Variants in SLC19A2 observed in about 807,000 individuals in gnomAD.
SLC19A2 encodes the protein thiamine transporter 1.
In SLC19A2, 27 loss-of-function variants were observed where a neutral mutation model predicts 44.7. The observed-to-expected ratio is 0.60, with a 90% CI of 0.45 to 0.83. SLC19A2 has a LOEUF of 0.83. Ranked by LOEUF, SLC19A2 falls within the 40% of genes least tolerant of loss-of-function variation. The pLI is 0.00. For missense variants in SLC19A2, 566 were observed against 613.7 expected (o/e 0.92, Z 0.82); for synonymous variants, 239 against 243.6 (o/e 0.98, Z 0.18).
Position 169,465,755 on chromosome 1 carries a change from T to G in SLC19A2, c.*94A>C. The G allele has an allele frequency of 7.2e-7, 1 of 1,395,798 alleles. No individual in the cohort carries two copies. Among genetic ancestry groups the G allele is most frequent in the Non-Finnish European group, 1.0e-6 (1 of 992,892 alleles). 86.5% of individuals were successfully genotyped at this position (1,395,798 alleles called of 1,614,324 possible). ...TGCTGTGAAGTCAAGAAATGCACAT[T>G]CATAAATATATGTCTACGCTTTAAA... On this transcript the variant is annotated 3_prime_UTR_variant, in exon 6 of 6. Coordinates refer to ENST00000236137, the MANE Select transcript of SLC19A2 (RefSeq NM_006996.3).
chr1:169,467,193 C>G (rs576519832), intron 5 of SLC19A2, among the ~76,000 whole-genome samples: 1 of 152,322 alleles, frequency 6.6e-6, no homozygotes, highest in East Asian at 1.9e-4. Flanking sequence ...TTCTCTCCTA[C>G]TTTCCATCCT....
At chr1:169,476,195 A>G (rs1444965735) in intron 2 of SLC19A2, among the ~76,000 whole-genome samples, 1 of 152,006 alleles carries the variant, frequency 6.6e-6, no homozygotes, top group Non-Finnish European at 1.5e-5. Context: ...CTTCCTGGCT[A>G]GACAGAACAG....
At chr1:169,473,370 G>C (rs1296972011) in intron 2 of SLC19A2, among the ~76,000 whole-genome samples, 2 of 151,602 alleles carry the variant, frequency 1.3e-5, no homozygotes, top group African/African-American at 2.4e-5. Flanking sequence ...AAGTAGCTGG[G>C]ATTACAGGCA....
At chr1:169,471,648 G>A (rs563023555) in intron 2 of SLC19A2, among the ~76,000 whole-genome samples, 41 of 141,264 alleles carry the variant, frequency 2.9e-4, no homozygotes, top group Admixed American at 5.0e-4. Flanking sequence ...CTGGGCGACA[G>A]AGACAGACTC....
intron 4 of SLC19A2, 174 bp from the exon 5 acceptor site, chr1:169,468,426 G>T: frequency 1.4e-6 from 1 of 702,874 alleles, no homozygotes; most frequent in Non-Finnish European, 2.3e-6. Flanking sequence ...TAAATCTCAT[G>T]CAAACATCTG....
chr1:169,478,185 C>A (rs761386028), intron 1 of SLC19A2, among the ~76,000 whole-genome samples: 14 of 152,154 alleles, frequency 9.2e-5, no homozygotes, highest in Non-Finnish European at 1.8e-4. Context: ...GGGTGAGCCA[C>A]CTCGCCCAGC....
chr1:169,474,758 T>C (rs1658269854), intron 2 of SLC19A2, among the ~76,000 whole-genome samples: 1 of 152,170 alleles, frequency 6.6e-6, no homozygotes, highest in Non-Finnish European at 1.5e-5. Context: ...ATTTTCTTCA[T>C]GCTTGCCAAA....
At chr1:169,469,553 A>T (rs1388950480) in intron 3 of SLC19A2, among the ~76,000 whole-genome samples, 1 of 152,182 alleles carries the variant, frequency 6.6e-6, no homozygotes, top group African/African-American at 2.4e-5. Context: ...TTTTGTGAGG[A>T]TTGAGTTAAT....
At chr1:169,467,531 A>G (rs1658065492) in intron 5 of SLC19A2, among the ~76,000 whole-genome samples, 1 of 152,188 alleles carries the variant, frequency 6.6e-6, no homozygotes, top group Non-Finnish European at 1.5e-5. Flanking sequence ...ACAAAACAAG[A>G]TATACTTAAA....
chr1:169,483,660 G>A (rs940495492), intron 1 of SLC19A2, among the ~76,000 whole-genome samples: 2 of 152,224 alleles, frequency 1.3e-5, no homozygotes, highest in African/African-American at 4.8e-5. Context: ...TGATAGGACA[G>A]AGCACATGAT....
At chr1:169,473,409 ATT>A (rs34688678) in intron 2 of SLC19A2, among the ~76,000 whole-genome samples, 186 of 138,574 alleles carry the variant, frequency 1.3e-3, no homozygotes, top group Middle Eastern at 3.8e-3. Flanking sequence ...TAGTTTTTGT[ATT>A]TTTTTTTTTT....
At chr1:169,479,131 C>T (rs926659738) in intron 1 of SLC19A2, among the ~76,000 whole-genome samples, 2 of 152,172 alleles carry the variant, frequency 1.3e-5, no homozygotes, top group African/African-American at 4.8e-5. Context: ...ACTGTCAATT[C>T]TTACTTCTAG....
chr1:169,483,971 G>T (rs11589952), intron 1 of SLC19A2, among the ~76,000 whole-genome samples: 1 of 152,006 alleles, frequency 6.6e-6, no homozygotes. Context: ...ATGAAATTTG[G>T]CTGTTTTGAC....
intron 5 of SLC19A2, 22 bp from the exon 6 acceptor site, chr1:169,465,999 T>A: frequency 1.2e-6 from 2 of 1,613,554 alleles, no homozygotes; most frequent in South Asian, 1.1e-5. Context: ...AAAAGCAGTT[T>A]ATTGAATTAT....
At chr1:169,483,610 G>A (rs907707658) in intron 1 of SLC19A2, among the ~76,000 whole-genome samples, 59 of 152,260 alleles carry the variant, frequency 3.9e-4, no homozygotes, top group African/African-American at 1.4e-3. Context: ...CTTTATTTCT[G>A]TGCCCCCTGA....
rs1553212202 is a variant in SLC19A2 at position 169,471,698 on chromosome 1, G to GTGTA, written c.808-1513_808-1512insTACA. Among the ~76,000 whole-genome samples the GTGTA allele has an allele frequency of 7.9e-3, 1,168 of 146,970 alleles. 41 individuals are homozygous for GTGTA. The East Asian group carries it at 0.097, about 12-fold the overall frequency. ...AACGTGTGTGTGTGTGTGTGTGTGTGTATATATACACACACACCATATATA... is the reference window on the plus strand; with the variant it reads ...AACGTGTGTGTGTGTGTGTGTGTGTGTGTATATATATACACACACACCATATATA... On this transcript the variant is annotated intron_variant, in intron 2 of 5. Coordinates refer to ENST00000236137, the MANE Select transcript of SLC19A2 (RefSeq NM_006996.3).
At chr1:169,482,765 T>G (rs988003118) in intron 1 of SLC19A2, among the ~76,000 whole-genome samples, 1 of 152,178 alleles carries the variant, frequency 6.6e-6, no homozygotes, top group Non-Finnish European at 1.5e-5. Context: ...CAGATGAGAC[T>G]GTGGATATGC....
chr1:169,480,992 T>G (rs935304522), intron 1 of SLC19A2, among the ~76,000 whole-genome samples: 6 of 152,128 alleles, frequency 3.9e-5, no homozygotes, highest in South Asian at 2.1e-4. Context: ...CAATAACAAC[T>G]AAAAACAAAA....
At chr1:169,477,088 G>C in intron 2 of SLC19A2, 67 bp downstream of exon 2, 1 of 1,563,548 alleles carries the variant, frequency 6.4e-7, no homozygotes. Context: ...GAGGGAGTTT[G>C]CTGTTTTTTT....
Sources: allele counts gnomAD v4.1 joint callset (sites outside exome capture counted in the v4.1 genomes callset), GRCh38; gene constraint gnomAD v4.1.1; transcripts MANE v1.5; gene names NCBI Gene and HGNC (gene_info 2026-07-23, HGNC 2026-07-21).